The following ADAMTSL1 variants were observed in gnomAD, a reference collection of about 807,000 sequenced individuals.
ADAMTSL1 encodes the protein ADAMTS like 1.
ADAMTSL1 carries 126 observed loss-of-function variants against 201.8 expected under a neutral mutation model. The ratio of observed to expected loss-of-function variants is 0.62; its 90% CI spans 0.54 to 0.72. The LOEUF (loss-of-function observed/expected upper bound fraction) is 0.72, where lower values mean the gene tolerates loss of function less well. Ranked by LOEUF, ADAMTSL1 falls within the 30% of genes least tolerant of loss-of-function variation. The probability of loss-of-function intolerance (pLI) is 0.00; values close to 1 mark genes in which losing one functional copy is unlikely to be tolerated. For synonymous variants in ADAMTSL1, 1,121 were observed against 903.4 expected, an observed-to-expected ratio of 1.24 and a Z score of -4.32; for missense variants, 2,679 against 2,277.8, an observed-to-expected ratio of 1.18 and a Z score of -3.59.
chr9:18,733,615 C>T (rs935633085), intron 15 of ADAMTSL1, among the ~76,000 whole-genome samples: 2 of 146,174 alleles, frequency 1.4e-5, no homozygotes, highest in Non-Finnish European at 1.5e-5. Context: ...TTGTAAATTA[C>T]CGACACCACC....
intron 2 of ADAMTSL1, among the ~76,000 whole-genome samples, chr9:18,358,541 C>A (rs1173115866): frequency 1.3e-5 from 2 of 152,150 alleles, no homozygotes; most frequent in Non-Finnish European, 2.9e-5. Context: ...CTTCCCCAAC[C>A]CTTATCCCCT....
chr9:18,029,292 A>G (rs982322253), intron 1 of ADAMTSL1, among the ~76,000 whole-genome samples: 10 of 151,810 alleles, frequency 6.6e-5, no homozygotes, highest in African/African-American at 2.4e-4. Flanking sequence ...ACAAAGCCAT[A>G]GGGAAAGGAT....
chr9:18,266,093 T>C (rs1459334452), intron 2 of ADAMTSL1, among the ~76,000 whole-genome samples: 1 of 152,218 alleles, frequency 6.6e-6, no homozygotes, highest in Non-Finnish European at 1.5e-5. Flanking sequence ...TATAGCATTA[T>C]CATTATTAGG....
At chr9:18,078,724 C>T (rs1823340312) in intron 1 of ADAMTSL1, among the ~76,000 whole-genome samples, 1 of 152,118 alleles carries the variant, frequency 6.6e-6, no homozygotes, top group East Asian at 1.9e-4. Context: ...TTACCACTCC[C>T]TTCTCAGCTC....
At position 18,308,531 on chromosome 9, in the gene ADAMTSL1, A is replaced by G. The variant is rs11521162; in HGVS notation, c.207+144550A>G. The stretch of plus-strand genomic sequence containing the variant: ...ATCACCACCGATCACACAGAAATAC[A>G]AACTACCATCAGAGAATACTACAAA... On this transcript the variant is annotated intron_variant, in intron 2 of 29. Transcript: ENST00000680146. Among the ~76,000 whole-genome samples, 1,390 of 152,274 alleles carry G rather than the reference A, an allele frequency of 9.1e-3. 21 individuals carry two copies. The highest frequency in any genetic ancestry group is 0.013 in the South Asian group (64 of 4,780).
intron 3 of ADAMTSL1, among the ~76,000 whole-genome samples, chr9:18,562,951 G>T (rs943852822): frequency 6.6e-6 from 1 of 152,074 alleles, no homozygotes; most frequent in African/African-American, 2.4e-5. Context: ...TCCTTGCATT[G>T]GGTTAGAACA....
intron 4 of ADAMTSL1, among the ~76,000 whole-genome samples, chr9:18,615,238 C>A (rs910029117): frequency 2.0e-5 from 3 of 151,966 alleles, no homozygotes; most frequent in Admixed American, 6.5e-5. Context: ...AACAAACAAA[C>A]AAAAAAACCA....
chr9:18,064,295 A>C (rs1274451490), intron 1 of ADAMTSL1, among the ~76,000 whole-genome samples: 1 of 152,130 alleles, frequency 6.6e-6, no homozygotes, highest in African/African-American at 2.4e-5. Context: ...AATCTGCAAA[A>C]TGTTAGTCTC....
chr9:18,514,954 C>G (rs984285990), intron 2 of ADAMTSL1, among the ~76,000 whole-genome samples: 1 of 152,082 alleles, frequency 6.6e-6, no homozygotes, highest in African/African-American at 2.4e-5. Context: ...TCCTTCTATG[C>G]CTAGTTTGAG....
At chr9:18,510,277 C>A (rs1161734337) in intron 2 of ADAMTSL1, among the ~76,000 whole-genome samples, 1 of 152,102 alleles carries the variant, frequency 6.6e-6, no homozygotes, top group African/African-American at 2.4e-5. Flanking sequence ...AATTTTGTTC[C>A]CTGATGGACC....
At chr9:18,229,346 G>A (rs142139595) in intron 2 of ADAMTSL1, among the ~76,000 whole-genome samples, 1 of 152,142 alleles carries the variant, frequency 6.6e-6, no homozygotes. Flanking sequence ...GAAGGCCAAA[G>A]GGACATGATT....
At chr9:18,779,586 C>A (rs1441937490) in intron 19 of ADAMTSL1, among the ~76,000 whole-genome samples, 2 of 152,216 alleles carry the variant, frequency 1.3e-5, no homozygotes, top group African/African-American at 4.8e-5. Context: ...AGAGCTTGTG[C>A]TTTTAACCTG....
intron 1 of ADAMTSL1, among the ~76,000 whole-genome samples, chr9:18,113,943 G>A (rs1406454333): frequency 1.3e-5 from 2 of 152,002 alleles, no homozygotes; most frequent in East Asian, 3.9e-4. Context: ...AGTAGTGAAG[G>A]GTAAAGCTGG....
At chr9:18,646,967 C>A (rs1418896140) in intron 7 of ADAMTSL1, among the ~76,000 whole-genome samples, 1 of 152,110 alleles carries the variant, frequency 6.6e-6, no homozygotes, top group Non-Finnish European at 1.5e-5. Context: ...AGGAATGGTA[C>A]CAGTTCCTCC....
At chr9:18,272,510 G>A (rs970478460) in intron 2 of ADAMTSL1, among the ~76,000 whole-genome samples, 1 of 152,124 alleles carries the variant, frequency 6.6e-6, no homozygotes, top group Admixed American at 6.5e-5. Context: ...AACCCTAGAA[G>A]AAAACCTAGG....
chr9:18,445,092 C>A (rs539338062), intron 2 of ADAMTSL1, among the ~76,000 whole-genome samples: 25 of 152,228 alleles, frequency 1.6e-4, no homozygotes, highest in African/African-American at 6.0e-4. Context: ...CTGTGATATT[C>A]TTCAGTACAA....
chr9:17,958,674 A>C (rs928650285), intron 1 of ADAMTSL1, among the ~76,000 whole-genome samples: 1 of 152,222 alleles, frequency 6.6e-6, no homozygotes, highest in African/African-American at 2.4e-5. Context: ...AAGGTGATTT[A>C]AAATTGGATT....
chr9:18,281,565 A>G (rs1441280302), intron 2 of ADAMTSL1, among the ~76,000 whole-genome samples: 7 of 152,352 alleles, frequency 4.6e-5, no homozygotes, highest in Non-Finnish European at 1.0e-4. Context: ...CAAGAAACAC[A>G]AAAAGGTCAA....
intron 15 of ADAMTSL1, among the ~76,000 whole-genome samples, chr9:18,727,995 G>A (rs78384795): frequency 2.6e-5 from 4 of 152,082 alleles, no homozygotes; most frequent in East Asian, 1.9e-4. Context: ...TAGGAGAGCC[G>A]CTTGAACCCA....
Sources: allele counts gnomAD v4.1 joint callset (sites outside exome capture counted in the v4.1 genomes callset), GRCh38; gene constraint gnomAD v4.1.1; transcripts MANE v1.5; gene names NCBI Gene and HGNC (gene_info 2026-07-23, HGNC 2026-07-21).